TIAM2: variants seen among roughly 807,000 people sequenced by gnomAD.
The protein encoded by TIAM2 is TIAM Rac1 associated GEF 2.
TIAM2 carries 80 observed loss-of-function variants against 152.9 expected under a neutral mutation model. That is an observed-to-expected ratio of 0.52 (90% CI 0.44 to 0.63). The LOEUF is 0.63. Among genes scored for constraint, TIAM2 ranks in the 30% least tolerant of loss-of-function variants. The pLI is 0.00. For missense variants in TIAM2, 1,965 were observed against 2,120.1 expected, an observed-to-expected ratio of 0.93 and a Z score of 1.44; for synonymous variants, 804 against 838.0, an observed-to-expected ratio of 0.96 and a Z score of 0.70.
At position 155,137,273 on chromosome 6, in the gene TIAM2, T is replaced by A; in HGVS notation, c.1291T>A (p.Trp431Arg). The A allele has an allele frequency of 6.2e-7, 1 of 1,614,164 alleles. No individual in the cohort carries two copies. Among genetic ancestry groups the A allele is most frequent in the Non-Finnish European group, 8.5e-7 (1 of 1,180,038 alleles). ...QGSSQASAFLWSGGSTQILSQ... is the reference protein window; with the variant it reads ...QGSSQASAFLRSGGSTQILSQ... Reference sequence around the variant, plus strand: ...ATCCTCCCAGGCATCTGCTTTTCTGTGGTCAGGGGGCTCTACTCAGATCCT... The same window carrying A: ...ATCCTCCCAGGCATCTGCTTTTCTGAGGTCAGGGGGCTCTACTCAGATCCT... Residue 431 changes from tryptophan (W) to arginine (R), a missense_variant, in exon 5 of 27, where the codon TGG becomes AGG. By Grantham distance (101) the Trp-to-Arg change is moderately radical. Coordinates refer to ENST00000682666, the MANE Select transcript of TIAM2 (RefSeq NM_012454.4).
intron 9 of TIAM2, among the ~76,000 whole-genome samples, chr6:155,171,462 C>A (rs1780585356): frequency 6.6e-6 from 1 of 152,164 alleles, no homozygotes; most frequent in African/African-American, 2.4e-5. Flanking sequence ...GGGCCTTGGC[C>A]CCTTCTTCTG....
rs557326472 is a variant in TIAM2, at chr6:155,094,909, A to G, written c.-118+4530A>G. Among the ~76,000 whole-genome samples the G allele has an allele frequency of 1.8e-4, 27 of 151,902 alleles. No homozygotes were observed. In the South Asian group the frequency reaches 5.0e-3, roughly 28 times the overall value. ...CGCTCATATATTTAAATAGCTCTGA[A>G]GGTATCTGAGTGTGACCCCTAATCT... is the stretch of plus-strand genomic sequence containing the variant. On this transcript the variant is annotated intron_variant, in intron 2 of 26. Coordinates refer to ENST00000682666, the MANE Select transcript of TIAM2 (RefSeq NM_012454.4).
At chr6:155,177,481 T>C (rs185587828) in intron 10 of TIAM2, among the ~76,000 whole-genome samples, 253 of 152,336 alleles carry the variant, frequency 1.7e-3, no homozygotes, top group African/African-American at 5.1e-3. Flanking sequence ...GAAGGGAGTT[T>C]ATGGTAAGTC....
At chr6:155,029,585 T>C (rs1207581054) in intron 1 of TIAM2, among the ~76,000 whole-genome samples, 2 of 76,238 alleles carry the variant, frequency 2.6e-5, no homozygotes, top group Non-Finnish European at 4.9e-5. Flanking sequence ...TATATATAAC[T>C]ATATAGTATA....
chr6:155,102,862 G>A (rs556602821), intron 2 of TIAM2, among the ~76,000 whole-genome samples: 2 of 149,534 alleles, frequency 1.3e-5, no homozygotes, highest in South Asian at 2.2e-4. Context: ...CAAGAATATA[G>A]AAAAATCAAA....
intron 2 of TIAM2, among the ~76,000 whole-genome samples, chr6:155,115,527 C>A (rs1048514015): frequency 1.3e-5 from 2 of 152,086 alleles, no homozygotes; most frequent in Non-Finnish European, 2.9e-5. Flanking sequence ...GTGGTGCAAG[C>A]CTATAGTCCC....
intron 2 of TIAM2, among the ~76,000 whole-genome samples, chr6:155,121,612 C>T (rs1779152691): frequency 6.6e-6 from 1 of 152,170 alleles, no homozygotes; most frequent in Non-Finnish European, 1.5e-5. Context: ...ATAAAGAAAA[C>T]CAAGTAGATA....
intron 24 of TIAM2, chr6:155,253,261 T>A: frequency 2.0e-6 from 1 of 509,646 alleles, no homozygotes; most frequent in South Asian, 3.5e-5. Flanking sequence ...CTTTGCCAAA[T>A]GCCTTTCATT....
chr6:155,138,851 CT>C lies in TIAM2; in HGVS notation c.1630+1249del, dbSNP rs576401569. Among the ~76,000 whole-genome samples the C allele has an allele frequency of 1.5e-4, 22 of 149,140 alleles. No homozygotes were observed. In the East Asian group the frequency reaches 2.5e-3, roughly 17 times the overall value. Reference sequence around the variant, plus strand: ...AGTCTATCATTGATGGACCAGCTGTCTTTTTTTTTTAAACATAAAGGCAATA... The same window carrying C: ...AGTCTATCATTGATGGACCAGCTGTCTTTTTTTTTAAACATAAAGGCAATA... On this transcript the variant is annotated intron_variant, in intron 5 of 26. Coordinates refer to ENST00000682666, the MANE Select transcript of TIAM2 (RefSeq NM_012454.4).
chr6:155,062,976 T>G (rs73573708), intron 1 of TIAM2, among the ~76,000 whole-genome samples: 10,455 of 152,278 alleles, frequency 0.069, 481 homozygotes, highest in East Asian at 0.21. Flanking sequence ...ATGAAGTGTC[T>G]GTTCAGATCT....
At chr6:155,183,992 T>G (rs2115147194) in intron 14 of TIAM2, among the ~76,000 whole-genome samples, 1 of 152,228 alleles carries the variant, frequency 6.6e-6, no homozygotes, top group Non-Finnish European at 1.5e-5. Flanking sequence ...TTTATTTTTA[T>G]TTTTATTTTT....
chr6:155,250,748 T>C, intron 21 of TIAM2, 165 bp from the exon 22 acceptor site: 1 of 1,142,976 alleles, frequency 8.7e-7, no homozygotes. Flanking sequence ...TTAACTCATA[T>C]TTTCAAAAGC....
intron 18 of TIAM2, among the ~76,000 whole-genome samples, chr6:155,245,104 C>CTG (rs1783245033): frequency 1.3e-5 from 2 of 152,220 alleles, no homozygotes; most frequent in African/African-American, 4.8e-5. Context: ...AGCTCCTACC[C>CTG]TGTGCCCAAT....
intron 2 of TIAM2, among the ~76,000 whole-genome samples, chr6:155,113,718 C>T (rs9480058): frequency 0.35 from 53,077 of 151,680 alleles, 9,654 homozygotes; most frequent in Admixed American, 0.43. Flanking sequence ...AGCAAGACTC[C>T]GTCTTAAAAA....
chr6:155,153,067 T>C (rs953477991), intron 7 of TIAM2, among the ~76,000 whole-genome samples: 107 of 152,236 alleles, frequency 7.0e-4, no homozygotes, highest in African/African-American at 2.5e-3. Context: ...AGGGTAATTA[T>C]CACTTGTGGT....
At chr6:155,152,801 T>TTG (rs376412940) in intron 7 of TIAM2, among the ~76,000 whole-genome samples, 2 of 151,804 alleles carry the variant, frequency 1.3e-5, no homozygotes, top group African/African-American at 4.8e-5. Context: ...TCCTGGCCTG[T>TTG]TGTGTGTGTG....
intron 2 of TIAM2, among the ~76,000 whole-genome samples, chr6:155,107,272 C>T (rs1055851777): frequency 1.3e-5 from 2 of 152,164 alleles, no homozygotes; most frequent in Admixed American, 1.3e-4. Flanking sequence ...TAAGTGCTGA[C>T]TTATTTTTGT....
At chr6:155,230,124 A>T (rs1045364687) in intron 15 of TIAM2, among the ~76,000 whole-genome samples, 4 of 151,178 alleles carry the variant, frequency 2.6e-5, no homozygotes, top group African/African-American at 9.7e-5. Flanking sequence ...TGTCACCTGT[A>T]AGCTGTGTGT....
At chr6:155,034,770 C>T (rs1172404624) in intron 1 of TIAM2, among the ~76,000 whole-genome samples, 1 of 152,136 alleles carries the variant, frequency 6.6e-6, no homozygotes, top group Non-Finnish European at 1.5e-5. Flanking sequence ...ATCACATTGG[C>T]TGGGACCTCC....
Sources: allele counts gnomAD v4.1 joint callset (sites outside exome capture counted in the v4.1 genomes callset), GRCh38; gene constraint gnomAD v4.1.1; transcripts MANE v1.5; gene names NCBI Gene and HGNC (gene_info 2026-07-23, HGNC 2026-07-21).